Variants in SETD2 observed in about 807,000 individuals in gnomAD.
The protein encoded by SETD2 is SET domain containing 2, histone lysine methyltransferase.
Under a neutral mutation model 242.1 loss-of-function variants are expected in SETD2, and 31 were observed. The observed-to-expected ratio is 0.13, with a 90% CI of 0.10 to 0.17. SETD2 has a LOEUF of 0.17. SETD2 is among the 10% of genes least tolerant of loss of function. The pLI is 1.00. For missense variants in SETD2, 2,481 were observed against 3,046.3 expected, an observed-to-expected ratio of 0.81 and a Z score of 4.37; for synonymous variants, 1,006 against 1,066.5, an observed-to-expected ratio of 0.94 and a Z score of 1.11.
At chr3:47,095,763 AAAAG>A (rs1298227839) in intron 9 of SETD2, among the ~76,000 whole-genome samples, 2 of 152,248 alleles carry the variant, frequency 1.3e-5, no homozygotes, top group Admixed American at 6.6e-5. Flanking sequence ...ATGAAAAAAA[AAAAG>A]AAAAACTTTC....
chr3:47,111,898 C>T (rs1043420295), intron 5 of SETD2, among the ~76,000 whole-genome samples: 1 of 152,082 alleles, frequency 6.6e-6, no homozygotes, highest in Non-Finnish European at 1.5e-5. Flanking sequence ...ACAGATTAAA[C>T]CCCACCAAGT....
At chr3:47,133,443 C>A (rs917137523) in intron 1 of SETD2, among the ~76,000 whole-genome samples, 10 of 152,010 alleles carry the variant, frequency 6.6e-5, no homozygotes, top group African/African-American at 2.4e-4. Flanking sequence ...CTCACAGAAT[C>A]CCCCCCAACC....
chr3:47,042,654 GA>G lies in SETD2; in HGVS notation c.7144del (p.Ser2382LeufsTer29). 1 of 1,612,894 alleles carries G rather than the reference GA, an allele frequency of 6.2e-7. No individual in the cohort carries two copies. Among genetic ancestry groups the G allele is most frequent in the Non-Finnish European group, 8.5e-7 (1 of 1,179,634 alleles). Reference protein sequence around the residue: ...TNNLLDLPPPSPPKPKTIVLP... With the variant: ...TNNLLDLPPPXPPKPKTIVLP... ...GACAATGGTTTTTGGTTTGGGAGGA[GA>G]GGGGGGCGGCAGATCCAAGAGATTA... On this transcript the variant is annotated frameshift_variant, in exon 17 of 21. Transcript: ENST00000409792. LOFTEE classifies it high-confidence loss of function.
At chr3:47,151,424 C>T (rs1247670519) in intron 1 of SETD2, among the ~76,000 whole-genome samples, 1 of 152,052 alleles carries the variant, frequency 6.6e-6, no homozygotes, top group East Asian at 1.9e-4. Flanking sequence ...CAAAAAAGCA[C>T]ACAGCTAACA....
intron 1 of SETD2, among the ~76,000 whole-genome samples, chr3:47,149,822 A>T (rs544345053): frequency 1.6e-4 from 25 of 152,282 alleles, no homozygotes; most frequent in Admixed American, 7.8e-4. Flanking sequence ...ACATTAGGTT[A>T]AAAGGCTCGA....
intron 5 of SETD2, among the ~76,000 whole-genome samples, chr3:47,111,208 C>T (rs1201563703): frequency 6.7e-6 from 1 of 150,224 alleles, no homozygotes. Context: ...ATTCAATGGG[C>T]TGCTTTGAGA....
chr3:47,102,367 G>C (rs2042246670), intron 7 of SETD2, among the ~76,000 whole-genome samples: 3 of 152,174 alleles, frequency 2.0e-5, no homozygotes, highest in Non-Finnish European at 1.5e-5. Context: ...TCTTGGAAGA[G>C]CCATGCATAA....
chr3:47,113,228 A>C (rs1211771366), intron 5 of SETD2, among the ~76,000 whole-genome samples: 1 of 151,558 alleles, frequency 6.6e-6, no homozygotes, highest in African/African-American at 2.4e-5. Context: ...TTAGCTTCCC[A>C]TAGCGCTGAG....
chr3:47,114,666 G>A (rs2042785353), intron 4 of SETD2, among the ~76,000 whole-genome samples: 1 of 151,978 alleles, frequency 6.6e-6, no homozygotes, highest in Admixed American at 6.6e-5. Flanking sequence ...ATCACTTGAG[G>A]TCAGGAATTC....
chr3:47,072,462 GCCAA>G (rs1407731033), intron 12 of SETD2, among the ~76,000 whole-genome samples: 3 of 151,890 alleles, frequency 2.0e-5, no homozygotes, highest in Non-Finnish European at 4.4e-5. Context: ...TCTCGTATAG[GCCAA>G]CCAAACCTTT....
rs867368102 is a variant in SETD2, at chr3:47,123,383, G to C, written c.1253C>G (p.Ser418Cys). The C allele has an allele frequency of 6.4e-7, 1 of 1,551,660 alleles. No individual in the cohort carries two copies. ...RSERGSRTNL[S>C]YSRSERSHYY... ...ATGAGATCGTTCTGACCTGGAATAG[G>C]ATAAATTAGTTCTAGAGCCTCTCTC... Residue 418 changes from serine (S) to cysteine (C), a missense_variant, in exon 3 of 21, where the codon TCC (serine) becomes TGC (cysteine). By Grantham distance (112) the Ser-to-Cys change is moderately radical. Around this residue, in one of 17 missense-constraint regions of SETD2, gnomAD observed 1,300 missense variants for 1,259.2 expected, o/e 1.03. Coordinates refer to ENST00000409792, the MANE Select transcript of SETD2 (RefSeq NM_014159.7).
rs1553695575 is a variant in SETD2, at chr3:47,103,744, G to GCGCA, written c.4840-322_4840-321insTGCG. On this transcript the variant is annotated intron_variant, in intron 6 of 20. Transcript: ENST00000409792. Reference sequence around the variant, plus strand: ...TAAGATACATGCAATGCACACGCACGCACACACACACACACTCCCTTATCC... The same window carrying GCGCA: ...TAAGATACATGCAATGCACACGCACGCGCACACACACACACACACTCCCTTATCC... Among the ~76,000 whole-genome samples the GCGCA allele has an allele frequency of 1.2e-3, 185 of 151,022 alleles. 1 individual carries two copies. The highest frequency in any genetic ancestry group is 4.1e-3 in the African/African-American group (169 of 41,230).
intron 12 of SETD2, among the ~76,000 whole-genome samples, chr3:47,073,028 T>C (rs1371956601): frequency 6.7e-6 from 1 of 150,370 alleles, no homozygotes; most frequent in Non-Finnish European, 1.5e-5. Flanking sequence ...CCCATGCCTA[T>C]AGTCCCAGCC....
intron 17 of SETD2, among the ~76,000 whole-genome samples, chr3:47,038,707 C>G (rs2039138034): frequency 6.6e-6 from 1 of 152,036 alleles, no homozygotes; most frequent in Non-Finnish European, 1.5e-5. Context: ...CCATGTTAAC[C>G]CTTTAAATGT....
At position 47,123,027 on chromosome 3, in the gene SETD2, G is replaced by C. The variant is rs756365871; in HGVS notation, c.1609C>G (p.Leu537Val). 1.2e-6 allele frequency: 2 copies of C among 1,614,078 alleles called. No homozygotes were observed. The highest frequency in any genetic ancestry group is 1.7e-6 in the Non-Finnish European group (2 of 1,179,928). ...IKRCCSPPNE[L>V]GFRRGSSYSK... is the part of the protein sequence containing the mutation. ...TATGATGACCCTCGTCGGAATCCCA[G>C]TTCATTAGGGGGAGAACAACATCTT... The change falls in exon 3 of 21, where the codon CTG becomes GTG. Residue 537 changes from leucine (L) to valine (V), a missense_variant. This residue lies in a region of SETD2 where 1,300 missense variants were observed against 1,259.2 expected (regional missense o/e 1.03). Coordinates refer to ENST00000409792, the MANE Select transcript of SETD2 (RefSeq NM_014159.7).
rs568718208 is a variant in SETD2 at position 47,124,503 on chromosome 3, T to C, written c.133A>G (p.Met45Val). The C allele has an allele frequency of 5.9e-5, 92 of 1,550,036 alleles. No individual in the cohort carries two copies. Among genetic ancestry groups the C allele is most frequent in the East Asian group, 1.7e-4 (7 of 40,894 alleles). Residue 45 changes from methionine (M) to valine (V), a missense_variant, in exon 3 of 21, where the codon ATG becomes GTG. By Grantham distance (21) the Met-to-Val change is conservative (BLOSUM62 1). Around this residue, in one of 17 missense-constraint regions of SETD2, gnomAD observed 334 missense variants for 374.5 expected, o/e 0.89. Transcript: ENST00000409792. The stretch of plus-strand genomic sequence containing the variant: ...CGACTAGAAGCAACACCTTTGAACA[T>C]TGGTCCTTTGATGAAACCTGTTTTC... Reference protein sequence around the residue: ...VQKTGFIKGPMFKGVASSRFL... With the variant: ...VQKTGFIKGPVFKGVASSRFL...
In SETD2 at chr3:47,017,006, CA is replaced by C; in HGVS notation, c.*86del. ...TGTATCATCAGTAGCACAGTGCTGACAGGGGTGGGACAGAAAGGCCCACAGG... is the reference window on the plus strand; with the variant it reads ...TGTATCATCAGTAGCACAGTGCTGACGGGGTGGGACAGAAAGGCCCACAGG... On this transcript the variant is annotated 3_prime_UTR_variant, in exon 21 of 21. Transcript: ENST00000409792. This position sits in a 1 kb window ranked among gnomAD's most constrained non-coding sequence, Gnocchi z 4.8. 5 of 1,311,240 alleles carry C rather than the reference CA, an allele frequency of 3.8e-6. No homozygotes were observed. In the South Asian group the frequency reaches 5.1e-5, roughly 13 times the overall value. 81.2% of individuals were successfully genotyped at this position (1,311,240 alleles called of 1,614,324 possible). A position where few individuals can be genotyped will look rare whatever the true frequency, so the allele number is the denominator to read the frequency against.
chr3:47,049,686 T>C (rs1344944821), intron 15 of SETD2, among the ~76,000 whole-genome samples: 5 of 147,446 alleles, frequency 3.4e-5, no homozygotes, highest in Non-Finnish European at 1.5e-5. Flanking sequence ...TATAAACTTA[T>C]TCTATGAGTT....
intron 15 of SETD2, among the ~76,000 whole-genome samples, chr3:47,053,882 T>C (rs1351905000): frequency 1.1e-4 from 16 of 152,234 alleles, no homozygotes; most frequent in Admixed American, 1.0e-3. Flanking sequence ...TCAAGGTATA[T>C]GGTGCTTTGA....
Sources: allele counts gnomAD v4.1 joint callset (sites outside exome capture counted in the v4.1 genomes callset), GRCh38; gene constraint gnomAD v4.1.1; regional missense constraint gnomAD v4.1.1; non-coding constraint Gnocchi (gnomAD v3.1); transcripts MANE v1.5; gene names NCBI Gene and HGNC (gene_info 2026-07-23, HGNC 2026-07-21).